The following SLCO1B1 variants were observed in gnomAD, a reference collection of about 807,000 sequenced individuals.
SLCO1B1 encodes the protein solute carrier organic anion transporter family member 1B1.
A neutral mutation model predicts 70.1 loss-of-function variants in SLCO1B1; 81 were observed. The ratio of observed to expected loss-of-function variants is 1.16; its 90% CI spans 0.97 to 1.39. SLCO1B1 has a LOEUF of 1.39. Among genes scored for constraint, SLCO1B1 ranks in the 40% most tolerant of loss-of-function variants. SLCO1B1 has a pLI of 0.00. For synonymous variants in SLCO1B1, 283 were observed against 271.5 expected, an observed-to-expected ratio of 1.04 and a Z score of -0.42; for missense variants, 895 against 799.6, an observed-to-expected ratio of 1.12 and a Z score of -1.44.
intron 2 of SLCO1B1, among the ~76,000 whole-genome samples, chr12:21,170,324 G>T (rs1465916259): frequency 2.0e-5 from 3 of 152,126 alleles, no homozygotes; most frequent in Non-Finnish European, 2.9e-5. Flanking sequence ...TTGTTTTCAC[G>T]ATAGCCTGGA....
intron 14 of SLCO1B1, among the ~76,000 whole-genome samples, chr12:21,232,373 A>G (rs1430444364): frequency 6.6e-6 from 1 of 152,184 alleles, no homozygotes; most frequent in Non-Finnish European, 1.5e-5. Context: ...TCTAGATGGC[A>G]GAGACCAAGA....
chr12:21,213,675 C>T (rs1231024964), intron 11 of SLCO1B1, among the ~76,000 whole-genome samples: 4 of 139,788 alleles, frequency 2.9e-5, no homozygotes, highest in Admixed American at 2.2e-4. Context: ...AACTTGGTTC[C>T]ATTCTCCCCA....
intron 8 of SLCO1B1, among the ~76,000 whole-genome samples, chr12:21,198,286 T>C (rs192909295): frequency 9.5e-4 from 144 of 152,230 alleles, no homozygotes; most frequent in African/African-American, 3.2e-3. Context: ...ATTACCATGA[T>C]TTATTACCAT....
At chr12:21,186,696 A>T (rs1335817573) in intron 7 of SLCO1B1, among the ~76,000 whole-genome samples, 1 of 152,100 alleles carries the variant, frequency 6.6e-6, no homozygotes, top group South Asian at 2.1e-4. Context: ...AAGGAAATTC[A>T]TGATGGCATT....
chr12:21,143,268 G>A (rs1397257480), intron 2 of SLCO1B1, among the ~76,000 whole-genome samples: 1 of 151,878 alleles, frequency 6.6e-6, no homozygotes, highest in East Asian at 1.9e-4. Flanking sequence ...GGACTTCAAA[G>A]TATTAACAAA....
intron 9 of SLCO1B1, among the ~76,000 whole-genome samples, chr12:21,201,898 A>G (rs1026109138): frequency 7.9e-5 from 12 of 152,196 alleles, no homozygotes; most frequent in Non-Finnish European, 1.6e-4. Flanking sequence ...TACTATAAAG[A>G]TACATGCACA....
At chr12:21,203,912 G>A (rs952736931) in intron 10 of SLCO1B1, among the ~76,000 whole-genome samples, 1 of 151,954 alleles carries the variant, frequency 6.6e-6, no homozygotes, top group South Asian at 2.1e-4. Flanking sequence ...GTAAGGACAG[G>A]CCAGTTTCTT....
At chr12:21,142,170 T>C (rs2121041368) in intron 2 of SLCO1B1, among the ~76,000 whole-genome samples, 1 of 151,996 alleles carries the variant, frequency 6.6e-6, no homozygotes, top group East Asian at 1.9e-4. Flanking sequence ...CCAAAAGACC[T>C]GTTTGACGAT....
intron 1 of SLCO1B1, among the ~76,000 whole-genome samples, chr12:21,138,086 G>A (rs1940253170): frequency 1.3e-5 from 2 of 152,184 alleles, no homozygotes. Context: ...TTTTTATTGT[G>A]AAAGTGAGGT....
intron 7 of SLCO1B1, among the ~76,000 whole-genome samples, chr12:21,196,511 T>A (rs1162471703): frequency 6.6e-6 from 1 of 152,190 alleles, no homozygotes; most frequent in Admixed American, 6.5e-5. Flanking sequence ...GAAGCCCCTT[T>A]ATTGACTCAG....
At chr12:21,183,321 G>C (rs556238937) in intron 7 of SLCO1B1, among the ~76,000 whole-genome samples, 7 of 152,218 alleles carry the variant, frequency 4.6e-5, no homozygotes, top group African/African-American at 1.4e-4. Flanking sequence ...TCAGCCTTCT[G>C]AGTAGCTGGG....
intron 7 of SLCO1B1, among the ~76,000 whole-genome samples, chr12:21,193,873 C>T (rs887850889): frequency 9.9e-5 from 15 of 152,222 alleles, no homozygotes; most frequent in African/African-American, 3.4e-4. Flanking sequence ...TCACTACAAG[C>T]TCCACCTCCC....
chr12:21,150,063 A>G (rs2121057075), intron 2 of SLCO1B1, among the ~76,000 whole-genome samples: 1 of 152,180 alleles, frequency 6.6e-6, no homozygotes. Flanking sequence ...CTTTTCCCTC[A>G]CAATGCAAAC....
chr12:21,151,074 A>T (rs1940464972), intron 2 of SLCO1B1, among the ~76,000 whole-genome samples: 1 of 152,178 alleles, frequency 6.6e-6, no homozygotes, highest in Non-Finnish European at 1.5e-5. Context: ...AGCCTACTAC[A>T]CACCTAAGCT....
At position 21,239,124 on chromosome 12, in the gene SLCO1B1, G is replaced by A. The variant is rs1202250116; in HGVS notation, c.2011G>A (p.Glu671Lys). 1 of 1,612,968 alleles carries A rather than the reference G, an allele frequency of 6.2e-7. No homozygotes were observed. The highest frequency in any genetic ancestry group is 8.5e-7 in the Non-Finnish European group (1 of 1,179,304). ...AAGTGTCATGGATGAAGCAAACTTA[G>A]AATCCTTAAATAAAAATAAACATTT... Reference protein sequence around the residue: ...NGSVMDEANLESLNKNKHFVP... With the variant: ...NGSVMDEANLKSLNKNKHFVP... The change falls in exon 15 of 15, where the codon GAA becomes AAA. Residue 671 changes from glutamate (E) to lysine (K), a missense_variant. By Grantham distance (56) the Glu-to-Lys change is moderately conservative. Coordinates refer to ENST00000256958, the MANE Select transcript of SLCO1B1 (RefSeq NM_006446.5).
chr12:21,154,517 C>T (rs1276446863), intron 2 of SLCO1B1, among the ~76,000 whole-genome samples: 1 of 152,072 alleles, frequency 6.6e-6, no homozygotes, highest in African/African-American at 2.4e-5. Context: ...TATTTTCTTA[C>T]AGCACCCCAA....
intron 11 of SLCO1B1, among the ~76,000 whole-genome samples, chr12:21,211,997 C>G (rs1941293027): frequency 6.7e-6 from 1 of 149,024 alleles, no homozygotes; most frequent in Non-Finnish European, 1.5e-5. Flanking sequence ...TTTTGTTGAT[C>G]CTTTCAAAAA....
intron 7 of SLCO1B1, among the ~76,000 whole-genome samples, chr12:21,190,196 A>G (rs1214497781): frequency 6.6e-6 from 1 of 152,206 alleles, no homozygotes; most frequent in Non-Finnish European, 1.5e-5. Flanking sequence ...TTGTCTACCC[A>G]TGTTGTCCAG....
chr12:21,141,038 C>T (rs1199491639), intron 1 of SLCO1B1, among the ~76,000 whole-genome samples: 1 of 151,760 alleles, frequency 6.6e-6, no homozygotes, highest in African/African-American at 2.4e-5. Context: ...GTGGTGTCTC[C>T]TTTATAAAAC....
Sources: gnomAD v4.1 joint callset for allele counts (sites outside exome capture counted in the v4.1 genomes callset) on GRCh38, gnomAD v4.1.1 for gene constraint, MANE v1.5 for transcripts, NCBI Gene and HGNC (gene_info 2026-07-23, HGNC 2026-07-21) for gene names.